MALRD1: variants seen among roughly 807,000 people sequenced by gnomAD.
The protein encoded by MALRD1 is MAM and LDL receptor class A domain containing 1.
A neutral mutation model predicts 242.1 loss-of-function variants in MALRD1; 247 were observed. That is an observed-to-expected ratio of 1.02 (90% CI 0.92 to 1.13). The LOEUF (loss-of-function observed/expected upper bound fraction) is 1.13. Among genes scored for constraint, MALRD1 ranks in the 50% most tolerant of loss-of-function variants. The pLI is 0.00. For missense variants in MALRD1, 2,989 were observed against 2,533.1 expected (o/e 1.18, Z -3.86); for synonymous variants, 995 against 866.6 (o/e 1.15, Z -2.60).
At chr10:19,136,063 T>C (rs971300333) in intron 9 of MALRD1, among the ~76,000 whole-genome samples, 7 of 152,248 alleles carry the variant, frequency 4.6e-5, no homozygotes, top group African/African-American at 9.6e-5. Context: ...ATTCCTATAT[T>C]GTGTCTGTTT....
In MALRD1 at chr10:19,645,617, C is replaced by T. The variant is rs570219481; in HGVS notation, c.6137+29694C>T. Among the ~76,000 whole-genome samples, 7 of 152,216 alleles carry T rather than the reference C, an allele frequency of 4.6e-5. No individual in the cohort carries two copies. The South Asian group carries it at 8.3e-4, about 18-fold the overall frequency. ...GCTGGAAACCATCATTCTCAGCAAA[C>T]TATCCCAAGGACTAAAAACCAAACA... On this transcript the variant is annotated intron_variant, in intron 36 of 39. Coordinates refer to ENST00000454679, the MANE Select transcript of MALRD1 (RefSeq NM_001142308.3).
chr10:19,373,254 T>C (rs60606066), intron 26 of MALRD1, among the ~76,000 whole-genome samples: 19,974 of 102,098 alleles, frequency 0.2, 1,518 homozygotes, highest in African/African-American at 0.27. Flanking sequence ...ATGCGTGTAA[T>C]CCCAGCACTT....
At chr10:19,378,208 T>C (rs1206713422) in intron 26 of MALRD1, among the ~76,000 whole-genome samples, 2 of 152,114 alleles carry the variant, frequency 1.3e-5, no homozygotes, top group African/African-American at 4.8e-5. Context: ...GCTTAAACAA[T>C]ATGTATTCAA....
At chr10:19,106,791 T>A (rs1051332617) in intron 5 of MALRD1, among the ~76,000 whole-genome samples, 2 of 151,954 alleles carry the variant, frequency 1.3e-5, no homozygotes, top group Admixed American at 1.3e-4. Flanking sequence ...CTCTTAGAAT[T>A]GGTTTTGCTG....
intron 26 of MALRD1, among the ~76,000 whole-genome samples, chr10:19,384,332 A>G (rs1205390154): frequency 7.8e-6 from 1 of 128,506 alleles, no homozygotes; most frequent in Non-Finnish European, 1.6e-5. Flanking sequence ...TATAGTATAT[A>G]TAATATAATT....
intron 28 of MALRD1, among the ~76,000 whole-genome samples, chr10:19,438,793 A>G (rs532339656): frequency 2.7e-3 from 398 of 149,238 alleles, no homozygotes; most frequent in Non-Finnish European, 4.4e-3. Context: ...TCTTGTGCCC[A>G]CCAGACCCCA....
At chr10:19,677,728 A>G (rs1819290) in intron 36 of MALRD1, among the ~76,000 whole-genome samples, 22,039 of 152,200 alleles carry the variant, frequency 0.14, 2,713 homozygotes, top group African/African-American at 0.33. Flanking sequence ...CATTTTCATC[A>G]TGAAATCTTT....
At chr10:19,098,497 G>A (rs1836126455) in intron 4 of MALRD1, among the ~76,000 whole-genome samples, 1 of 152,048 alleles carries the variant, frequency 6.6e-6, no homozygotes, top group African/African-American at 2.4e-5. Flanking sequence ...ATCATTATCC[G>A]AGGTATTTTC....
intron 32 of MALRD1, among the ~76,000 whole-genome samples, chr10:19,560,328 C>T (rs138752258): frequency 0.048 from 7,341 of 152,012 alleles, 576 homozygotes; most frequent in African/African-American, 0.17. Context: ...ATTAGCTGGG[C>T]GTGGTGTCAG....
chr10:19,314,375 G>C (rs569780800), intron 21 of MALRD1, among the ~76,000 whole-genome samples: 1 of 151,666 alleles, frequency 6.6e-6, no homozygotes, highest in Admixed American at 6.6e-5. Context: ...ATATACTGTG[G>C]AAGATTAGTA....
At chr10:19,619,610 GGAAA>G (rs1839313197) in intron 36 of MALRD1, among the ~76,000 whole-genome samples, 1 of 151,862 alleles carries the variant, frequency 6.6e-6, no homozygotes, top group Non-Finnish European at 1.5e-5. Flanking sequence ...ACACAAAAGA[GGAAA>G]GAAAGGAATA....
Position 19,419,089 on chromosome 10 carries a change from G to T in MALRD1, c.4845+29480G>T, listed in dbSNP as rs533727054. ...TATGCACACCCTTCTCCAGCTAACC[G>T]CCTTCCTTTCCACATCTCCATCCTT... On this transcript the variant is annotated intron_variant, in intron 28 of 39. Coordinates refer to ENST00000454679, the MANE Select transcript of MALRD1 (RefSeq NM_001142308.3). Among the ~76,000 whole-genome samples the T allele has an allele frequency of 3.3e-5, 5 of 152,188 alleles. No individual in the cohort carries two copies. The South Asian group carries it at 1.0e-3, about 32-fold the overall frequency.
chr10:19,628,148 G>A (rs1250949274), intron 36 of MALRD1, among the ~76,000 whole-genome samples: 1 of 152,066 alleles, frequency 6.6e-6, no homozygotes, highest in Non-Finnish European at 1.5e-5. Context: ...CATTATTTAT[G>A]AGACTATAGA....
intron 33 of MALRD1, among the ~76,000 whole-genome samples, chr10:19,578,883 A>C (rs1047457666): frequency 6.6e-6 from 1 of 151,976 alleles, no homozygotes; most frequent in Non-Finnish European, 1.5e-5. Context: ...ACATCTTCGT[A>C]CTTGAGCCAT....
At chr10:19,517,936 G>A (rs1293338570) in intron 31 of MALRD1, among the ~76,000 whole-genome samples, 6 of 152,176 alleles carry the variant, frequency 3.9e-5, no homozygotes, top group African/African-American at 1.4e-4. Context: ...ATTTAGCAGA[G>A]TTTATTTTTG....
chr10:19,559,418 AT>A (rs1274519511), intron 32 of MALRD1, among the ~76,000 whole-genome samples: 4 of 151,928 alleles, frequency 2.6e-5, no homozygotes, highest in Non-Finnish European at 4.4e-5. Context: ...ATGCTGTAAA[AT>A]TTTCCTCTAA....
chr10:19,476,838 C>T (rs1040799177), intron 29 of MALRD1, among the ~76,000 whole-genome samples: 4 of 152,118 alleles, frequency 2.6e-5, no homozygotes, highest in African/African-American at 7.2e-5. Context: ...GTGAGTCTTT[C>T]GTGGAGGTAT....
intron 31 of MALRD1, among the ~76,000 whole-genome samples, chr10:19,509,221 CA>C (rs1833286792): frequency 6.6e-6 from 1 of 152,008 alleles, no homozygotes; most frequent in African/African-American, 2.4e-5. Context: ...TACTCAGAAC[CA>C]AAAGTGGTTC....
intron 19 of MALRD1, among the ~76,000 whole-genome samples, chr10:19,265,196 T>C (rs2131830421): frequency 6.6e-6 from 1 of 152,140 alleles, no homozygotes; most frequent in East Asian, 1.9e-4. Context: ...ATTGATCTTT[T>C]TATTTTTTTC....
Sources: gnomAD v4.1 joint callset for allele counts (sites outside exome capture counted in the v4.1 genomes callset) on GRCh38, gnomAD v4.1.1 for gene constraint, MANE v1.5 for transcripts, NCBI Gene and HGNC (gene_info 2026-07-23, HGNC 2026-07-21) for gene names.